The following IGF2BP3 variants were observed in gnomAD, a reference collection of about 807,000 sequenced individuals.
IGF2BP3 encodes insulin-like growth factor 2 mRNA-binding protein 3.
IGF2BP3 carries 9 observed loss-of-function variants against 73.8 expected under a neutral mutation model. The observed-to-expected ratio is 0.12, with a 90% CI of 0.07 to 0.21. IGF2BP3 has a LOEUF of 0.21. IGF2BP3 is among the 10% of genes least tolerant of loss of function. The probability of loss-of-function intolerance (pLI) is 1.00; values close to 1 mark genes in which losing one functional copy is unlikely to be tolerated. For synonymous variants in IGF2BP3, 258 were observed against 256.7 expected (o/e 1.01, Z -0.05); for missense variants, 542 against 714.0 (o/e 0.76, Z 2.75).
intron 10 of IGF2BP3, among the ~76,000 whole-genome samples, chr7:23,338,728 A>T (rs1229308712): frequency 6.6e-6 from 1 of 152,172 alleles, no homozygotes; most frequent in African/African-American, 2.4e-5. Context: ...TTTTCATTCA[A>T]ATTGTCTGGG....
intron 2 of IGF2BP3, among the ~76,000 whole-genome samples, chr7:23,429,238 A>C (rs1787606011): frequency 6.6e-6 from 1 of 152,222 alleles, no homozygotes; most frequent in South Asian, 2.1e-4. Flanking sequence ...CTGGAATTTC[A>C]CAGAAAGTCT....
At chr7:23,367,279 C>T (rs1384392156) in intron 3 of IGF2BP3, among the ~76,000 whole-genome samples, 1 of 152,014 alleles carries the variant, frequency 6.6e-6, no homozygotes, top group East Asian at 1.9e-4. Context: ...TGTCCGGCCG[C>T]ATTTTGCTTA....
rs190851808 is a variant in IGF2BP3, at chr7:23,426,011, A to T, written c.237-7187T>A. Among the ~76,000 whole-genome samples, 13 of 151,892 alleles carry T rather than the reference A, an allele frequency of 8.6e-5. 1 individual carries two copies. The highest frequency in any genetic ancestry group is 7.2e-4 in the Admixed American group (11 of 15,260). ...CCCTGACTTTTAAAAAGTAGACAAA[A>T]TGGTGCCAGCAGTCCTTAAAAATGA... is the stretch of plus-strand genomic sequence containing the variant. On this transcript the variant is annotated intron_variant, in intron 2 of 14. Transcript: ENST00000258729.
chr7:23,320,906 C>T (rs1279948391), intron 10 of IGF2BP3, among the ~76,000 whole-genome samples: 1 of 131,424 alleles, frequency 7.6e-6, no homozygotes, highest in African/African-American at 3.1e-5. Context: ...GCTGAGATCA[C>T]ACCACTGCTC....
Position 23,351,610 on chromosome 7 carries a change from G to A in IGF2BP3, c.402-24C>T, listed in dbSNP as rs201240374. 4 of 1,612,952 alleles carry A rather than the reference G, an allele frequency of 2.5e-6. No homozygotes were observed. In the African/African-American group the frequency reaches 5.3e-5, roughly 22 times the overall value. Reference sequence around the variant, plus strand: ...CTCTGAAAGTTGAAAAGGGGCAGGGGTGGGAAAAGGAATCAGGCTATATGA... The same window carrying A: ...CTCTGAAAGTTGAAAAGGGGCAGGGATGGGAAAAGGAATCAGGCTATATGA... On this transcript the variant is annotated intron_variant, in intron 5 of 14. Coordinates refer to ENST00000258729, the MANE Select transcript of IGF2BP3 (RefSeq NM_006547.3).
At chr7:23,389,205 G>T (rs1346306964) in intron 3 of IGF2BP3, among the ~76,000 whole-genome samples, 1 of 151,148 alleles carries the variant, frequency 6.6e-6, no homozygotes, top group African/African-American at 2.4e-5. Context: ...CTGTCGCCCA[G>T]GCTGGAGTGC....
At chr7:23,392,483 T>A (rs1417922648) in intron 3 of IGF2BP3, among the ~76,000 whole-genome samples, 1 of 150,782 alleles carries the variant, frequency 6.6e-6, no homozygotes, top group Non-Finnish European at 1.5e-5. Flanking sequence ...TATATATATA[T>A]ATACACACAT....
intron 3 of IGF2BP3, among the ~76,000 whole-genome samples, chr7:23,401,790 G>T (rs1189655246): frequency 6.6e-6 from 1 of 150,786 alleles, no homozygotes; most frequent in Non-Finnish European, 1.5e-5. Flanking sequence ...GCTGCCCTAG[G>T]GATTGGCATG....
intron 2 of IGF2BP3, among the ~76,000 whole-genome samples, chr7:23,454,139 G>A (rs371130818): frequency 3.3e-5 from 5 of 152,238 alleles, no homozygotes; most frequent in East Asian, 3.9e-4. Flanking sequence ...TTTGTACACA[G>A]ACTGACTTTT....
At chr7:23,345,513 A>C (rs558224496) in intron 8 of IGF2BP3, among the ~76,000 whole-genome samples, 5 of 152,236 alleles carry the variant, frequency 3.3e-5, no homozygotes, top group Non-Finnish European at 7.3e-5. Flanking sequence ...TGTCAGCAGC[A>C]TTGTGAGACC....
At chr7:23,374,803 T>G (rs1161268889) in intron 3 of IGF2BP3, among the ~76,000 whole-genome samples, 2 of 152,082 alleles carry the variant, frequency 1.3e-5, no homozygotes, top group Non-Finnish European at 2.9e-5. Flanking sequence ...TGTCGGCCGG[T>G]CTGAGAAATA....
intron 2 of IGF2BP3, among the ~76,000 whole-genome samples, chr7:23,464,297 A>C (rs943517933): frequency 6.6e-6 from 1 of 152,208 alleles, no homozygotes; most frequent in African/African-American, 2.4e-5. Context: ...TACATTTTAA[A>C]CACAAGACTA....
chr7:23,403,386 T>A (rs1407981733), intron 3 of IGF2BP3, among the ~76,000 whole-genome samples: 1 of 152,210 alleles, frequency 6.6e-6, no homozygotes, highest in African/African-American at 2.4e-5. Context: ...GTATAAATAA[T>A]TTTTATGTCT....
At chr7:23,320,071 C>G (rs141794272) in intron 10 of IGF2BP3, among the ~76,000 whole-genome samples, 1 of 151,476 alleles carries the variant, frequency 6.6e-6, no homozygotes, top group Admixed American at 6.6e-5. Context: ...TCACCACACC[C>G]GGCTAATTTT....
chr7:23,319,161 G>C lies in IGF2BP3; in HGVS notation c.1297C>G (p.Arg433Gly), dbSNP rs752949360. ...ACCTTAATTGAAGCTCCAGCAAAGC[G>C]AGAAAGCTGCTTGATGTGCTGGCCC... ...KQGQHIKQLS[R>G]FAGASIKIAP... Residue 433 changes from arginine to glycine, a missense_variant, in exon 11 of 15, where the codon CGC becomes GGC. Coordinates refer to ENST00000258729, the MANE Select transcript of IGF2BP3 (RefSeq NM_006547.3). 1 of 1,613,184 alleles carries C rather than the reference G, an allele frequency of 6.2e-7. No homozygotes were observed. Among genetic ancestry groups the C allele is most frequent in the East Asian group, 2.2e-5 (1 of 44,862 alleles).
chr7:23,408,634 C>A (rs12666482), intron 3 of IGF2BP3, among the ~76,000 whole-genome samples: 37,757 of 152,086 alleles, frequency 0.25, 4,895 homozygotes, highest in South Asian at 0.34. Context: ...GCTATAACAT[C>A]TTTTTCACTG....
Position 23,469,736 on chromosome 7 carries a change from C to A in IGF2BP3, c.175+200G>T, listed in dbSNP as rs1361321007. 1.3e-5 allele frequency among the ~76,000 whole-genome samples: 2 copies of A among 151,596 alleles called. No individual in the cohort carries two copies. Among genetic ancestry groups the A allele is most frequent in the Non-Finnish European group, 2.9e-5 (2 of 67,842 alleles). Reference sequence around the variant, plus strand: ...TCGCCCTCACCCAGCAAACCCCGGCCGGGGAAGCAGAGCCGCGGGCCGGAG... The same window carrying A: ...TCGCCCTCACCCAGCAAACCCCGGCAGGGGAAGCAGAGCCGCGGGCCGGAG... On this transcript the variant is annotated intron_variant, in intron 1 of 14. Transcript: ENST00000258729. This position sits in a 1 kb window ranked among gnomAD's most constrained non-coding sequence, Gnocchi z 6.1.
At chr7:23,428,729 GGAA>G (rs1390922375) in intron 2 of IGF2BP3, among the ~76,000 whole-genome samples, 5 of 143,842 alleles carry the variant, frequency 3.5e-5, no homozygotes, top group African/African-American at 1.3e-4. Context: ...TTTTTTAGGG[GGAA>G]AAAAAAAAAA....
intron 10 of IGF2BP3, among the ~76,000 whole-genome samples, chr7:23,326,591 C>G (rs1049769104): frequency 1.3e-5 from 2 of 151,890 alleles, no homozygotes; most frequent in African/African-American, 4.8e-5. Context: ...GACTATAAAT[C>G]ATGCTACTAT....
Sources: allele counts gnomAD v4.1 joint callset (sites outside exome capture counted in the v4.1 genomes callset), GRCh38; gene constraint gnomAD v4.1.1; non-coding constraint Gnocchi (gnomAD v3.1); transcripts MANE v1.5; gene names NCBI Gene and HGNC (gene_info 2026-07-23, HGNC 2026-07-21).